CDH4: variants seen among roughly 807,000 people sequenced by gnomAD.
CDH4 encodes the protein cadherin-4.
CDH4 carries 33 observed loss-of-function variants against 86.0 expected under a neutral mutation model. That is an observed-to-expected ratio of 0.38 (90% CI 0.29 to 0.51). CDH4 has a LOEUF of 0.51. Among genes scored for constraint, CDH4 ranks in the 20% least tolerant of loss-of-function variants. The probability of loss-of-function intolerance (pLI) is 0.86; values close to 1 mark genes in which losing one functional copy is unlikely to be tolerated. For missense variants in CDH4, 1,114 were observed against 1,307.4 expected, an observed-to-expected ratio of 0.85 and a Z score of 2.28; for synonymous variants, 555 against 549.4, an observed-to-expected ratio of 1.01 and a Z score of -0.14.
intron 6 of CDH4, among the ~76,000 whole-genome samples, chr20:61,858,279 G>GTGTC: frequency 4.0e-5 from 6 of 149,220 alleles, no homozygotes; most frequent in African/African-American, 9.8e-5. Flanking sequence ...GTCTATGTGT[G>GTGTC]TCTGTGTCTG....
At chr20:61,255,366 C>T in intron 2 of CDH4, among the ~76,000 whole-genome samples, 1 of 152,182 alleles carries the variant, frequency 6.6e-6, no homozygotes, top group East Asian at 1.9e-4. Flanking sequence ...TCATTACTGC[C>T]CCACTGACAA....
chr20:61,453,865 C>G (rs901667742), intron 2 of CDH4, among the ~76,000 whole-genome samples: 1 of 152,112 alleles, frequency 6.6e-6, no homozygotes, highest in African/African-American at 2.4e-5. Context: ...TCATGCTGTT[C>G]TCCTGATAGT....
chr20:61,627,903 C>A (rs1270953106), intron 2 of CDH4, among the ~76,000 whole-genome samples: 1 of 152,110 alleles, frequency 6.6e-6, no homozygotes, highest in East Asian at 1.9e-4. Context: ...AGGACTTGTT[C>A]TCACCCCTCC....
intron 2 of CDH4, among the ~76,000 whole-genome samples, chr20:61,506,718 C>G (rs148569861): frequency 1.3e-5 from 2 of 152,278 alleles, no homozygotes; most frequent in Admixed American, 1.3e-4. Flanking sequence ...TAGGGTCGAC[C>G]TGCACGTTAT....
intron 2 of CDH4, among the ~76,000 whole-genome samples, chr20:61,550,908 T>C (rs1484848800): frequency 2.0e-5 from 3 of 152,188 alleles, no homozygotes; most frequent in African/African-American, 7.2e-5. Context: ...CACAGGCCAG[T>C]GCGCAGACAG....
intron 7 of CDH4, among the ~76,000 whole-genome samples, chr20:61,878,139 A>G (rs1568863139): frequency 6.6e-6 from 1 of 152,180 alleles, no homozygotes; most frequent in Non-Finnish European, 1.5e-5. Context: ...CATCGTGGCC[A>G]TGGCGTCCTC....
chr20:61,426,136 A>G (rs1359364034), intron 2 of CDH4, among the ~76,000 whole-genome samples: 2 of 152,248 alleles, frequency 1.3e-5, no homozygotes, highest in Non-Finnish European at 2.9e-5. Context: ...AAAGAAATAG[A>G]AGAGGCCAGA....
chr20:61,634,533 T>C (rs6061683), intron 2 of CDH4, among the ~76,000 whole-genome samples: 2,082 of 152,256 alleles, frequency 0.014, 55 homozygotes, highest in African/African-American at 0.047. Context: ...ACCTGGATCA[T>C]TGGGGGCTGG....
intron 9 of CDH4, among the ~76,000 whole-genome samples, chr20:61,919,367 C>T: frequency 6.6e-6 from 1 of 152,154 alleles, no homozygotes; most frequent in South Asian, 2.1e-4. Context: ...CACTGCCGGC[C>T]CCAAGCATGG....
At chr20:61,488,968 A>C (rs1192747686) in intron 2 of CDH4, among the ~76,000 whole-genome samples, 1 of 152,282 alleles carries the variant, frequency 6.6e-6, no homozygotes, top group African/African-American at 2.4e-5. Flanking sequence ...AAATTCATCC[A>C]TCAGTTTGGA....
intron 2 of CDH4, among the ~76,000 whole-genome samples, chr20:61,478,234 G>T (rs1335138052): frequency 2.0e-5 from 3 of 152,186 alleles, no homozygotes; most frequent in African/African-American, 7.2e-5. Flanking sequence ...AAGGCAGGAA[G>T]AGGAGGTGCT....
At chr20:61,565,062 TTGGTGG>T (rs140113205) in intron 2 of CDH4, among the ~76,000 whole-genome samples, 12 of 101,254 alleles carry the variant, frequency 1.2e-4, no homozygotes, top group South Asian at 8.3e-4. Flanking sequence ...GGTGGTGCTC[TTGGTGG>T]TGGTGGTGGT....
intron 9 of CDH4, among the ~76,000 whole-genome samples, chr20:61,923,157 G>A (rs1271267372): frequency 1.3e-5 from 2 of 152,226 alleles, no homozygotes; most frequent in Admixed American, 1.3e-4. Context: ...GCCCAGCGGG[G>A]GCTGCAGCCC....
At chr20:61,856,518 C>T (rs951754774) in intron 6 of CDH4, among the ~76,000 whole-genome samples, 10 of 149,876 alleles carry the variant, frequency 6.7e-5, no homozygotes, top group South Asian at 4.3e-4. Flanking sequence ...TGCATGCATC[C>T]CACACTCTTC....
intron 2 of CDH4, among the ~76,000 whole-genome samples, chr20:61,686,667 ATGTGCG>A (rs994643812): frequency 1.5e-5 from 2 of 133,800 alleles, no homozygotes; most frequent in African/African-American, 5.8e-5. Flanking sequence ...ATTCGCGTGT[ATGTGCG>A]TGTGCATTTG....
At chr20:61,884,300 G>A (rs1252235711) in intron 7 of CDH4, among the ~76,000 whole-genome samples, 1 of 152,226 alleles carries the variant, frequency 6.6e-6, no homozygotes, top group Non-Finnish European at 1.5e-5. Flanking sequence ...GCAAAGGGCA[G>A]CTGAGCAGAA....
In CDH4 at chr20:61,763,809, C is replaced by T. The variant is rs114732167; in HGVS notation, c.397-9194C>T. On this transcript the variant is annotated intron_variant, in intron 3 of 15. Coordinates refer to ENST00000614565, the MANE Select transcript of CDH4 (RefSeq NM_001794.5). ...TTCCTCCTTGGCTCTTCATAATTCC[C>T]GGCTCCTAACAGATGCGTGGATTCG... Among the ~76,000 whole-genome samples, 522 of 152,222 alleles carry T rather than the reference C, an allele frequency of 3.4e-3. 4 individuals carry two copies. The highest frequency in any genetic ancestry group is 0.012 in the African/African-American group (484 of 41,524).
intron 2 of CDH4, among the ~76,000 whole-genome samples, chr20:61,351,839 C>G (rs533531100): frequency 1.3e-5 from 2 of 152,032 alleles, no homozygotes; most frequent in Non-Finnish European, 2.9e-5. Context: ...GCCTAAGCCT[C>G]GCGAGTAGCT....
intron 8 of CDH4, among the ~76,000 whole-genome samples, chr20:61,908,230 G>A (rs752553888): frequency 6.6e-6 from 1 of 152,166 alleles, no homozygotes; most frequent in Non-Finnish European, 1.5e-5. Flanking sequence ...CTGTCGCGTC[G>A]CCGTCCTTTT....
Sources: allele counts gnomAD v4.1 joint callset (sites outside exome capture counted in the v4.1 genomes callset), GRCh38; gene constraint gnomAD v4.1.1; transcripts MANE v1.5; gene names NCBI Gene and HGNC (gene_info 2026-07-23, HGNC 2026-07-21).